EPHA3: variants seen among roughly 807,000 people sequenced by gnomAD.
EPHA3 encodes the protein ephrin type-A receptor 3.
A neutral mutation model predicts 107.1 loss-of-function variants in EPHA3; 42 were observed. The ratio of observed to expected loss-of-function variants is 0.39; its 90% CI spans 0.31 to 0.51. EPHA3 has a LOEUF of 0.51. Among genes scored for constraint, EPHA3 ranks in the 20% least tolerant of loss-of-function variants. The probability of loss-of-function intolerance (pLI) is 0.78; values close to 1 mark genes in which losing one functional copy is unlikely to be tolerated. For synonymous variants in EPHA3, 461 were observed against 424.8 expected (o/e 1.09, Z -1.05); for missense variants, 1,183 against 1,211.2 (o/e 0.98, Z 0.35).
intron 3 of EPHA3, among the ~76,000 whole-genome samples, chr3:89,285,935 G>C (rs1333294224): frequency 6.6e-6 from 1 of 152,082 alleles, no homozygotes; most frequent in East Asian, 1.9e-4. Flanking sequence ...TGGTCAACTG[G>C]AAGCAGGTGA....
At chr3:89,113,658 G>A (rs7640398) in intron 1 of EPHA3, among the ~76,000 whole-genome samples, 147,158 of 152,076 alleles carry the variant, frequency 0.97, 71,220 homozygotes, top group African/African-American at 0.99. Flanking sequence ...TAAAAGAAAG[G>A]CATTTATCAC....
chr3:89,367,039 T>G (rs536564133), intron 5 of EPHA3, among the ~76,000 whole-genome samples: 2 of 150,728 alleles, frequency 1.3e-5, no homozygotes, highest in South Asian at 4.2e-4. Flanking sequence ...TCTTGATTAT[T>G]ACAGTAGCCA....
At chr3:89,226,712 G>A (rs753494467) in intron 3 of EPHA3, among the ~76,000 whole-genome samples, 4 of 152,008 alleles carry the variant, frequency 2.6e-5, no homozygotes, top group Non-Finnish European at 5.9e-5. Flanking sequence ...TTAAAACAAG[G>A]CATGTCATAC....
chr3:89,330,917 A>G (rs1432007887), intron 3 of EPHA3, among the ~76,000 whole-genome samples: 1 of 152,196 alleles, frequency 6.6e-6, no homozygotes, highest in African/African-American at 2.4e-5. Flanking sequence ...TCTGTCAATT[A>G]TAAATTTCCT....
intron 2 of EPHA3, among the ~76,000 whole-genome samples, chr3:89,205,567 G>A (rs1468603660): frequency 6.6e-6 from 1 of 152,006 alleles, no homozygotes; most frequent in East Asian, 1.9e-4. Flanking sequence ...AACCCTATGT[G>A]GTCTAATAAT....
chr3:89,407,963 G>T lies in EPHA3; in HGVS notation c.1698-104G>T. ...TAAACTTTCACTAAAGCATTTAATT[G>T]TTTGAGGAAAATGTTTTATTTTTAT... On this transcript the variant is annotated intron_variant, in intron 8 of 16. Coordinates refer to ENST00000336596, the MANE Select transcript of EPHA3 (RefSeq NM_005233.6). 2.7e-6 allele frequency: 3 copies of T among 1,120,304 alleles called. No individual in the cohort carries two copies. The South Asian group carries it at 4.3e-5, about 16-fold the overall frequency. The allele number at this position is 1,120,304 out of a possible 1,614,324, so 69.4% of individuals were successfully genotyped here.
In EPHA3 at chr3:89,331,043, A is replaced by ATG. The variant is rs773665552; in HGVS notation, c.815-9863_815-9862dup. 1.2e-4 allele frequency among the ~76,000 whole-genome samples: 18 copies of ATG among 152,192 alleles called. No homozygotes were observed. The East Asian group carries it at 3.3e-3, about 28-fold the overall frequency. On this transcript the variant is annotated intron_variant, in intron 3 of 16. Transcript: ENST00000336596. The stretch of plus-strand genomic sequence containing the variant: ...GGTGAGTGGATGTTTGTGCATCTGT[A>ATG]TGTGTGTGTGTAGACAGAGTGAGAG...
intron 15 of EPHA3, among the ~76,000 whole-genome samples, chr3:89,471,839 A>G (rs142261241): frequency 6.6e-6 from 1 of 152,216 alleles, no homozygotes; most frequent in East Asian, 1.9e-4. Flanking sequence ...TGTGTTGCAT[A>G]TATATATCAT....
chr3:89,201,608 G>T (rs1705970344), intron 2 of EPHA3, among the ~76,000 whole-genome samples: 1 of 152,112 alleles, frequency 6.6e-6, no homozygotes, highest in African/African-American at 2.4e-5. Flanking sequence ...TCTGACCACT[G>T]TCTCGCAGCT....
intron 3 of EPHA3, among the ~76,000 whole-genome samples, chr3:89,274,601 A>G (rs561090333): frequency 6.6e-6 from 1 of 152,156 alleles, no homozygotes; most frequent in South Asian, 2.1e-4. Context: ...TGTTTAAAAG[A>G]GATATCGGTT....
At chr3:89,412,264 T>C (rs1201107683) in intron 9 of EPHA3, among the ~76,000 whole-genome samples, 1 of 151,722 alleles carries the variant, frequency 6.6e-6, no homozygotes, top group Admixed American at 6.6e-5. Context: ...GATTATCCTG[T>C]ATCAGTTGTC....
chr3:89,108,470 G>A (rs1707025713), intron 1 of EPHA3, among the ~76,000 whole-genome samples: 1 of 152,156 alleles, frequency 6.6e-6, no homozygotes, highest in Non-Finnish European at 1.5e-5. Flanking sequence ...ATTACAATAA[G>A]CTTAGGTTGG....
In EPHA3 at chr3:89,209,993, A is replaced by ATG; in HGVS notation, c.290_291dup (p.Glu98TrpfsTer17). On this transcript the variant is annotated frameshift_variant, in exon 3 of 17. Transcript: ENST00000336596. LOFTEE classifies it high-confidence loss of function. ...CCCAGGAACTCAGCTCAGAAGATTT[A>ATG]TGTGGAGCTCAAGTTCACTCTACGA... 4 of 1,613,992 alleles carry ATG rather than the reference A, an allele frequency of 2.5e-6. No homozygotes were observed. Among genetic ancestry groups the ATG allele is most frequent in the Non-Finnish European group, 3.4e-6 (4 of 1,179,926 alleles).
At chr3:89,424,555 G>T (rs1439944289) in intron 11 of EPHA3, among the ~76,000 whole-genome samples, 1 of 150,998 alleles carries the variant, frequency 6.6e-6, no homozygotes, top group South Asian at 2.1e-4. Context: ...AAATAAATCA[G>T]CTCCTTTATT....
intron 2 of EPHA3, among the ~76,000 whole-genome samples, chr3:89,140,417 T>G (rs914696876): frequency 1.3e-5 from 2 of 151,806 alleles, no homozygotes; most frequent in Non-Finnish European, 2.9e-5. Flanking sequence ...TTGGCTTTAT[T>G]TTGTGCTTTC....
chr3:89,473,544 A>T lies in EPHA3; in HGVS notation c.2846+925A>T, dbSNP rs558216168. On this transcript the variant is annotated intron_variant, in intron 16 of 16. Coordinates refer to ENST00000336596, the MANE Select transcript of EPHA3 (RefSeq NM_005233.6). The stretch of plus-strand genomic sequence containing the variant: ...CTTCACTTCCTAATGTGACTACATA[A>T]TTTTTTCTTTTTCTGCACAGTGACA... Among the ~76,000 whole-genome samples the T allele has an allele frequency of 5.3e-5, 8 of 152,276 alleles. No individual in the cohort carries two copies. In the East Asian group the frequency reaches 9.7e-4, roughly 18 times the overall value.
intron 5 of EPHA3, among the ~76,000 whole-genome samples, chr3:89,351,208 C>A (rs1400003838): frequency 6.6e-6 from 1 of 151,242 alleles, no homozygotes. Context: ...GGGCGCCCCT[C>A]CCCCAGCCTC....
intron 2 of EPHA3, among the ~76,000 whole-genome samples, chr3:89,164,453 T>C (rs1458089397): frequency 6.6e-6 from 1 of 152,204 alleles, no homozygotes; most frequent in Non-Finnish European, 1.5e-5. Context: ...TGGGATTAAC[T>C]GGAAATCTTT....
intron 10 of EPHA3, among the ~76,000 whole-genome samples, chr3:89,418,562 T>A (rs1388277054): frequency 1.3e-5 from 2 of 151,334 alleles, no homozygotes; most frequent in South Asian, 2.1e-4. Context: ...CTTTTTTTTT[T>A]AAATTGAAGA....
Sources: gnomAD v4.1 joint callset for allele counts (sites outside exome capture counted in the v4.1 genomes callset) on GRCh38, gnomAD v4.1.1 for gene constraint, MANE v1.5 for transcripts, NCBI Gene and HGNC (gene_info 2026-07-23, HGNC 2026-07-21) for gene names.